The following PCDH15 variants were observed in gnomAD, a reference collection of about 807,000 sequenced individuals.
PCDH15 encodes protocadherin related 15.
Under a neutral mutation model 178.5 loss-of-function variants are expected in PCDH15, and 129 were observed. That is an observed-to-expected ratio of 0.72 (90% confidence interval 0.63 to 0.84). The LOEUF (loss-of-function observed/expected upper bound fraction) is 0.84. PCDH15 is among the 40% of genes least tolerant of loss of function. The probability of loss-of-function intolerance (pLI) is 0.00; values close to 1 mark genes in which losing one functional copy is unlikely to be tolerated. For missense variants in PCDH15, 2,230 were observed against 2,099.9 expected (o/e 1.06, Z -1.21); for synonymous variants, 800 against 732.0 (o/e 1.09, Z -1.50).
intron 2 of PCDH15, among the ~76,000 whole-genome samples, chr10:55,010,491 A>T (rs1840023996): frequency 6.6e-6 from 1 of 152,156 alleles, no homozygotes; most frequent in African/African-American, 2.4e-5. Context: ...GGCATAATGT[A>T]AATTTGGCTT....
intron 25 of PCDH15, among the ~76,000 whole-genome samples, chr10:53,904,245 C>G (rs2610922): frequency 6.6e-6 from 1 of 151,884 alleles, no homozygotes. Context: ...TTACATAAGT[C>G]GACTTTTCTG....
chr10:54,894,241 T>C (rs745932231), intron 3 of PCDH15, among the ~76,000 whole-genome samples: 4 of 152,072 alleles, frequency 2.6e-5, no homozygotes, highest in Non-Finnish European at 4.4e-5. Flanking sequence ...CAATATATTG[T>C]TCAGTGCAAT....
chr10:55,562,285 T>C (rs1047796638), intron 2 of PCDH15, among the ~76,000 whole-genome samples: 15 of 152,008 alleles, frequency 9.9e-5, no homozygotes, highest in Non-Finnish European at 2.1e-4. Context: ...ATCAGTGAAA[T>C]TGAAATAAGA....
intron 2 of PCDH15, among the ~76,000 whole-genome samples, chr10:55,059,462 A>T (rs897960574): frequency 6.6e-6 from 1 of 152,206 alleles, no homozygotes; most frequent in African/African-American, 2.4e-5. Flanking sequence ...TTGAATTTTA[A>T]TCCATTATAG....
At chr10:55,449,497 G>C (rs1384098345) in intron 2 of PCDH15, among the ~76,000 whole-genome samples, 1 of 152,040 alleles carries the variant, frequency 6.6e-6, no homozygotes, top group Non-Finnish European at 1.5e-5. Flanking sequence ...TCTAAAATGA[G>C]AGGTCAAAAT....
intron 6 of PCDH15, among the ~76,000 whole-genome samples, chr10:54,343,213 A>G (rs541019405): frequency 1.3e-4 from 20 of 152,240 alleles, no homozygotes; most frequent in African/African-American, 4.8e-4. Flanking sequence ...TGTAATCTCC[A>G]TGAATCTAGG....
chr10:54,834,936 T>C (rs1442536224), intron 3 of PCDH15, among the ~76,000 whole-genome samples: 1 of 152,162 alleles, frequency 6.6e-6, no homozygotes, highest in Non-Finnish European at 1.5e-5. Flanking sequence ...TTTTAACTTT[T>C]AAAAAATCTG....
At chr10:53,907,072 C>T (rs2082731939) in intron 25 of PCDH15, 1 of 152,066 alleles carries the variant, frequency 6.6e-6, no homozygotes, top group African/African-American at 2.4e-5. Context: ...ACTAGAACAG[C>T]GTTCTTTTTG....
chr10:53,932,040 T>C (rs1388574923), intron 25 of PCDH15, among the ~76,000 whole-genome samples: 2 of 152,190 alleles, frequency 1.3e-5, no homozygotes, highest in Admixed American at 1.3e-4. Flanking sequence ...AATATTACTG[T>C]TGTGAAATGG....
intron 3 of PCDH15, among the ~76,000 whole-genome samples, chr10:54,432,621 A>G (rs1158701174): frequency 6.6e-6 from 1 of 152,146 alleles, no homozygotes; most frequent in East Asian, 1.9e-4. Flanking sequence ...CAAACTATGA[A>G]ACTACTACAA....
At chr10:55,577,638 T>G (rs1842521975) in intron 2 of PCDH15, among the ~76,000 whole-genome samples, 1 of 152,078 alleles carries the variant, frequency 6.6e-6, no homozygotes, top group Non-Finnish European at 1.5e-5. Context: ...ATATTCCTGG[T>G]AAAAGACAAA....
intron 8 of PCDH15, among the ~76,000 whole-genome samples, chr10:54,290,693 G>A (rs918736184): frequency 2.0e-5 from 3 of 152,122 alleles, no homozygotes; most frequent in African/African-American, 7.2e-5. Context: ...ATAAAGGGAT[G>A]GAGGAAGATC....
intron 2 of PCDH15, among the ~76,000 whole-genome samples, chr10:54,902,033 G>T (rs117773659): frequency 6.6e-6 from 1 of 151,870 alleles, no homozygotes; most frequent in Non-Finnish European, 1.5e-5. Context: ...TACAGGACCC[G>T]TTCTTCCAAA....
intron 1 of PCDH15, among the ~76,000 whole-genome samples, chr10:55,311,495 AT>A (rs1843586971): frequency 6.6e-6 from 1 of 152,248 alleles, no homozygotes; most frequent in South Asian, 2.1e-4. Context: ...TTAGTGCCCC[AT>A]GAAGGTTTAC....
At chr10:53,819,402 G>T in intron 33 of PCDH15, among the ~76,000 whole-genome samples, 1 of 151,652 alleles carries the variant, frequency 6.6e-6, no homozygotes, top group East Asian at 1.9e-4. Context: ...TGCTTGTCTT[G>T]GCTCAAAGGC....
intron 15 of PCDH15, among the ~76,000 whole-genome samples, chr10:54,126,985 T>G (rs2042044783): frequency 6.6e-6 from 1 of 152,200 alleles, no homozygotes; most frequent in Non-Finnish European, 1.5e-5. Flanking sequence ...TGCTTCACTG[T>G]AAATGTTCTT....
intron 2 of PCDH15, among the ~76,000 whole-genome samples, chr10:55,591,554 T>G (rs748299087): frequency 1.1e-4 from 17 of 152,150 alleles, no homozygotes; most frequent in Non-Finnish European, 2.1e-4. Context: ...GGTCAATAAT[T>G]AAACATAATT....
chr10:54,526,712 A>G (rs2083395435), intron 3 of PCDH15, among the ~76,000 whole-genome samples: 1 of 152,200 alleles, frequency 6.6e-6, no homozygotes, highest in East Asian at 1.9e-4. Flanking sequence ...TATTTTATTA[A>G]TACTTAAATT....
chr10:54,761,158 A>G (rs1005763386), intron 1 of PCDH15, among the ~76,000 whole-genome samples: 3 of 152,062 alleles, frequency 2.0e-5, no homozygotes, highest in Admixed American at 6.5e-5. Context: ...ATATGATCAC[A>G]ACAAGCTCTA....
Sources: gnomAD v4.1 joint callset for allele counts (sites outside exome capture counted in the v4.1 genomes callset) on GRCh38, gnomAD v4.1.1 for gene constraint, MANE v1.5 for transcripts, NCBI Gene and HGNC (gene_info 2026-07-23, HGNC 2026-07-21) for gene names.